Variants in AUTS2 observed in about 807,000 individuals in gnomAD.
AUTS2 encodes the protein activator of transcription and developmental regulator AUTS2.
AUTS2 carries 17 observed loss-of-function variants against 112.4 expected under a neutral mutation model. The observed-to-expected ratio is 0.15, with a 90% CI of 0.10 to 0.23. The LOEUF is 0.23. Among genes scored for constraint, AUTS2 ranks in the 10% least tolerant of loss-of-function variants. The pLI, the probability that AUTS2 is intolerant of heterozygous loss-of-function variation, is 1.00. For synonymous variants in AUTS2, 751 were observed against 702.7 expected, an observed-to-expected ratio of 1.07 and a Z score of -1.09; for missense variants, 1,510 against 1,701.6, an observed-to-expected ratio of 0.89 and a Z score of 1.98.
intron 5 of AUTS2, among the ~76,000 whole-genome samples, chr7:70,628,749 G>C (rs1563086500): frequency 6.6e-6 from 1 of 152,142 alleles, no homozygotes; most frequent in African/African-American, 2.4e-5. Flanking sequence ...GATGATCAGG[G>C]CCAGAATTAA....
At chr7:70,021,808 T>A (rs1323802284) in intron 2 of AUTS2, among the ~76,000 whole-genome samples, 1 of 152,184 alleles carries the variant, frequency 6.6e-6, no homozygotes, top group Non-Finnish European at 1.5e-5. Flanking sequence ...CCTTCAGCAT[T>A]GCTTTGAATC....
chr7:69,891,032 A>G (rs911134101), intron 1 of AUTS2, among the ~76,000 whole-genome samples: 2 of 152,208 alleles, frequency 1.3e-5, no homozygotes, highest in Non-Finnish European at 2.9e-5. Context: ...AACAATATAC[A>G]ATTTGATGAG....
intron 1 of AUTS2, among the ~76,000 whole-genome samples, chr7:69,673,013 G>T (rs1796406216): frequency 6.6e-6 from 1 of 152,144 alleles, no homozygotes; most frequent in Non-Finnish European, 1.5e-5. Context: ...CAGAGTGACT[G>T]TATTTAGACC....
At chr7:70,608,994 A>G (rs1229664314) in intron 5 of AUTS2, among the ~76,000 whole-genome samples, 2 of 152,202 alleles carry the variant, frequency 1.3e-5, no homozygotes, top group East Asian at 3.8e-4. Flanking sequence ...ATTGTGTACA[A>G]CATGATGTTC....
chr7:69,968,177 A>C (rs1180390865), intron 2 of AUTS2, among the ~76,000 whole-genome samples: 1 of 152,240 alleles, frequency 6.6e-6, no homozygotes, highest in Non-Finnish European at 1.5e-5. Flanking sequence ...ACAAATTGAC[A>C]GTCACTTCCT....
intron 2 of AUTS2, among the ~76,000 whole-genome samples, chr7:70,112,955 A>T (rs1304865451): frequency 6.6e-6 from 1 of 151,920 alleles, no homozygotes; most frequent in Non-Finnish European, 1.5e-5. Context: ...GAGTCATTTT[A>T]TATTTGGTAA....
At chr7:70,369,497 A>G (rs148860487) in intron 4 of AUTS2, among the ~76,000 whole-genome samples, 57 of 152,282 alleles carry the variant, frequency 3.7e-4, no homozygotes, top group African/African-American at 1.3e-3. Flanking sequence ...GAGGGTGTCA[A>G]AGGAAGGAAA....
intron 6 of AUTS2, among the ~76,000 whole-genome samples, chr7:70,732,294 G>T (rs1330790019): frequency 6.6e-6 from 1 of 152,128 alleles, no homozygotes; most frequent in East Asian, 1.9e-4. Flanking sequence ...TTTCTAGCAG[G>T]TCTCATCTGA....
chr7:69,953,438 C>A (rs1173156295), intron 2 of AUTS2, among the ~76,000 whole-genome samples: 1 of 152,128 alleles, frequency 6.6e-6, no homozygotes, highest in East Asian at 1.9e-4. Flanking sequence ...TGTATTAAGC[C>A]CAAGAGCTTA....
chr7:70,673,319 T>C (rs1232582613), intron 5 of AUTS2, among the ~76,000 whole-genome samples: 1 of 152,176 alleles, frequency 6.6e-6, no homozygotes, highest in Non-Finnish European at 1.5e-5. Context: ...TCTAGTACTG[T>C]GCAGGGACTT....
chr7:70,186,699 G>A (rs1809623642), intron 4 of AUTS2, among the ~76,000 whole-genome samples: 1 of 152,108 alleles, frequency 6.6e-6, no homozygotes, highest in South Asian at 2.1e-4. Context: ...CTTCTGAGTA[G>A]CTGGAATTAC....
chr7:70,649,555 G>GTC (rs1806378570), intron 5 of AUTS2, among the ~76,000 whole-genome samples: 1 of 149,584 alleles, frequency 6.7e-6, no homozygotes, highest in East Asian at 2.0e-4. Context: ...TTGAGACGGA[G>GTC]TCTCGCACTG....
chr7:70,756,287 A>C (rs758561061), intron 6 of AUTS2, among the ~76,000 whole-genome samples: 22 of 152,218 alleles, frequency 1.4e-4, no homozygotes, highest in Admixed American at 1.0e-3. Flanking sequence ...TGTGTTGTGC[A>C]TTGTGGAAAG....
intron 1 of AUTS2, among the ~76,000 whole-genome samples, chr7:69,737,933 C>A (rs1787104089): frequency 6.6e-6 from 1 of 152,142 alleles, no homozygotes; most frequent in Admixed American, 6.5e-5. Flanking sequence ...TGGCTGTCTA[C>A]CAGCAAATTC....
intron 4 of AUTS2, among the ~76,000 whole-genome samples, chr7:70,213,964 G>T (rs1483540299): frequency 1.3e-5 from 2 of 152,190 alleles, no homozygotes; most frequent in African/African-American, 4.8e-5. Context: ...TTGACACTTG[G>T]TGGTCTATAA....
chr7:70,790,320 A>G lies in AUTS2; in HGVS notation c.3104A>G (p.Asn1035Ser). 1 of 1,613,728 alleles carries G rather than the reference A, an allele frequency of 6.2e-7. No individual in the cohort carries two copies. The highest frequency in any genetic ancestry group is 8.5e-7 in the Non-Finnish European group (1 of 1,180,006). The change falls in exon 19 of 19, where the codon AAC becomes AGC. Residue 1035 changes from asparagine (N) to serine (S), a missense_variant. This residue lies in a region of AUTS2 where 788 missense variants were observed against 797.6 expected (regional missense o/e 0.99). Transcript: ENST00000342771. The surrounding 1 kb of genome is among the most constrained non-coding windows in gnomAD (Gnocchi z 7.6). ...TVGVTGIHPM[N>S]SISSLDRTRM... ...GGGGTGACGGGCATTCACCCCATGA[A>G]CAGCATCAGCAGCCTGGACAGGACT...
intron 2 of AUTS2, among the ~76,000 whole-genome samples, chr7:69,969,727 A>G (rs1797772497): frequency 6.6e-6 from 1 of 152,130 alleles, no homozygotes; most frequent in African/African-American, 2.4e-5. Flanking sequence ...TTGATTTGGA[A>G]TTTCCCTCAC....
chr7:70,051,644 G>A (rs1027299789), intron 2 of AUTS2, among the ~76,000 whole-genome samples: 24 of 152,106 alleles, frequency 1.6e-4, no homozygotes, highest in Middle Eastern at 3.4e-3. Context: ...ACTTGAACCC[G>A]GAAGGTGAAG....
At chr7:70,387,777 T>G (rs1793679086) in intron 4 of AUTS2, among the ~76,000 whole-genome samples, 1 of 152,220 alleles carries the variant, frequency 6.6e-6, no homozygotes, top group Admixed American at 6.5e-5. Context: ...TCTCTACTTC[T>G]CAATGTCATT....
Sources: allele counts gnomAD v4.1 joint callset (sites outside exome capture counted in the v4.1 genomes callset), GRCh38; gene constraint gnomAD v4.1.1; regional missense constraint gnomAD v4.1.1; non-coding constraint Gnocchi (gnomAD v3.1); transcripts MANE v1.5; gene names NCBI Gene and HGNC (gene_info 2026-07-23, HGNC 2026-07-21).